Variants in UHRF2 observed in about 807,000 individuals in gnomAD.
The protein encoded by UHRF2 is ubiquitin like with PHD and ring finger domains 2, also known as E3 ubiquitin-protein ligase UHRF2.
A neutral mutation model predicts 96.8 loss-of-function variants in UHRF2; 23 were observed. The observed-to-expected ratio is 0.24, with a 90% CI of 0.17 to 0.34. The LOEUF (loss-of-function observed/expected upper bound fraction) is 0.34, where lower values mean the gene tolerates loss of function less well. Ranked by LOEUF, UHRF2 falls within the 10% of genes least tolerant of loss-of-function variation. UHRF2 has a pLI of 1.00. For missense variants in UHRF2, 685 were observed against 981.5 expected, an observed-to-expected ratio of 0.70 and a Z score of 4.04; for synonymous variants, 385 against 332.6, an observed-to-expected ratio of 1.16 and a Z score of -1.72.
At chr9:6,430,356 G>A (rs1383531410) in intron 2 of UHRF2, among the ~76,000 whole-genome samples, 1 of 152,160 alleles carries the variant, frequency 6.6e-6, no homozygotes, top group Non-Finnish European at 1.5e-5. Flanking sequence ...GCTCTTAAGT[G>A]TAGAATTATG....
chr9:6,446,281 G>A (rs10975593), intron 3 of UHRF2, among the ~76,000 whole-genome samples: 3 of 151,872 alleles, frequency 2.0e-5, no homozygotes, highest in Admixed American at 6.6e-5. Flanking sequence ...CTCCCAGGTA[G>A]ATGGAATTAC....
intron 12 of UHRF2, 150 bp from the exon 13 acceptor site, chr9:6,499,685 C>T (rs1204110050): frequency 2.1e-6 from 1 of 478,184 alleles, no homozygotes; most frequent in African/African-American, 2.0e-5. Flanking sequence ...GAATTCTTTT[C>T]CTTTAAATGT....
intron 3 of UHRF2, among the ~76,000 whole-genome samples, chr9:6,445,319 A>C (rs776709361): frequency 1.3e-4 from 20 of 152,062 alleles, no homozygotes; most frequent in Non-Finnish European, 2.5e-4. Context: ...GCTGGAGTGC[A>C]GTGGTATCAT....
intron 9 of UHRF2, among the ~76,000 whole-genome samples, chr9:6,487,742 T>G (rs1477630458): frequency 6.6e-6 from 1 of 152,246 alleles, no homozygotes; most frequent in East Asian, 1.9e-4. Context: ...CCTCAGATGA[T>G]CTGCGCACCT....
chr9:6,424,167 C>G (rs1268081725), intron 2 of UHRF2, among the ~76,000 whole-genome samples: 5 of 152,202 alleles, frequency 3.3e-5, no homozygotes, highest in East Asian at 3.9e-4. Context: ...AAGTTGCAGC[C>G]TATGGATACC....
intron 3 of UHRF2, among the ~76,000 whole-genome samples, chr9:6,450,150 C>A (rs1821765953): frequency 6.6e-6 from 1 of 152,140 alleles, no homozygotes. Flanking sequence ...ACATAAAATT[C>A]CCAATGATTC....
At chr9:6,495,827 T>C (rs1227268298) in intron 10 of UHRF2, 3 of 152,224 alleles carry the variant, frequency 2.0e-5, no homozygotes, top group Admixed American at 2.0e-4. Flanking sequence ...AAGGTATCTG[T>C]GAGCATTAAA....
At chr9:6,499,970 CT>C (rs749817655) in intron 13 of UHRF2, 39 bp downstream of exon 13, 30 of 1,461,354 alleles carry the variant, frequency 2.1e-5, no homozygotes, top group Non-Finnish European at 2.6e-5. Flanking sequence ...TAATAACATA[CT>C]TTTGTTGTTG....
chr9:6,472,379 T>C (rs1420449669), intron 4 of UHRF2, among the ~76,000 whole-genome samples: 1 of 152,174 alleles, frequency 6.6e-6, no homozygotes, highest in Non-Finnish European at 1.5e-5. Context: ...TATAACATGC[T>C]TACAAGGAAA....
In UHRF2 at chr9:6,431,869, A is replaced by G. The variant is rs1820579019; in HGVS notation, c.385-2045A>G. On this transcript the variant is annotated intron_variant, in intron 2 of 15. Transcript: ENST00000276893. ...TATAGCTTAATGTGTTTTTGCTGTT[A>G]CCATTTTAGTATCAACTATATGCTG... 2.6e-5 allele frequency among the ~76,000 whole-genome samples: 4 copies of G among 152,178 alleles called. 1 individual carries two copies. Among genetic ancestry groups the G allele is most frequent in the Admixed American group, 2.6e-4 (4 of 15,278 alleles).
At chr9:6,464,056 C>G (rs961955448) in intron 4 of UHRF2, among the ~76,000 whole-genome samples, 1 of 152,186 alleles carries the variant, frequency 6.6e-6, no homozygotes, top group Non-Finnish European at 1.5e-5. Context: ...GGTTACAGTT[C>G]TGCAACAGTA....
At chr9:6,478,788 A>G (rs1823744448) in intron 6 of UHRF2, among the ~76,000 whole-genome samples, 1 of 152,176 alleles carries the variant, frequency 6.6e-6, no homozygotes, top group African/African-American at 2.4e-5. Flanking sequence ...CAATTGCTGT[A>G]TTATGACAGG....
chr9:6,446,492 G>A (rs1821513514), intron 3 of UHRF2, among the ~76,000 whole-genome samples: 1 of 151,828 alleles, frequency 6.6e-6, no homozygotes. Flanking sequence ...TGTTGCCCAG[G>A]CTGGTCTCAA....
At chr9:6,464,666 C>T (rs1410928657) in intron 4 of UHRF2, among the ~76,000 whole-genome samples, 2 of 152,096 alleles carry the variant, frequency 1.3e-5, no homozygotes, top group Non-Finnish European at 2.9e-5. Context: ...TTGAAAAGCC[C>T]ATTTCCCTCC....
intron 3 of UHRF2, chr9:6,434,390 A>T: frequency 2.0e-6 from 1 of 511,382 alleles, no homozygotes; most frequent in South Asian, 2.9e-5. Context: ...TTAGTATCAC[A>T]ATACTGGCTT....
chr9:6,462,483 A>G (rs1209487027), intron 4 of UHRF2, among the ~76,000 whole-genome samples: 1 of 152,222 alleles, frequency 6.6e-6, no homozygotes, highest in Admixed American at 6.5e-5. Context: ...ATGGATGCAA[A>G]TCATGAAGAA....
chr9:6,481,053 C>G (rs1435471464), intron 6 of UHRF2, among the ~76,000 whole-genome samples: 2 of 152,136 alleles, frequency 1.3e-5, no homozygotes, highest in East Asian at 1.9e-4. Context: ...TAGACGTATA[C>G]CTTGCTTTTT....
chr9:6,441,961 T>C (rs1263443710), intron 3 of UHRF2, among the ~76,000 whole-genome samples: 5 of 152,180 alleles, frequency 3.3e-5, no homozygotes, highest in Non-Finnish European at 7.3e-5. Context: ...AAATACTATG[T>C]AATAGTTGAC....
intron 3 of UHRF2, among the ~76,000 whole-genome samples, chr9:6,436,264 G>T (rs1820843738): frequency 1.3e-5 from 2 of 152,096 alleles, no homozygotes; most frequent in African/African-American, 4.8e-5. Context: ...TTACTTTTCT[G>T]GTACTTATTG....
Sources: allele counts gnomAD v4.1 joint callset (sites outside exome capture counted in the v4.1 genomes callset), GRCh38; gene constraint gnomAD v4.1.1; transcripts MANE v1.5; gene names NCBI Gene and HGNC (gene_info 2026-07-23, HGNC 2026-07-21).